Variants in MYO16 observed in about 807,000 individuals in gnomAD.
The protein encoded by MYO16 is myosin XVI.
MYO16 carries 94 observed loss-of-function variants against 205.3 expected under a neutral mutation model. The observed-to-expected ratio is 0.46, with a 90% confidence interval of 0.39 to 0.54. The LOEUF is 0.54. Among genes scored for constraint, MYO16 ranks in the 20% least tolerant of loss-of-function variants. The probability of loss-of-function intolerance (pLI) is 0.00; values close to 1 mark genes in which losing one functional copy is unlikely to be tolerated. For missense variants in MYO16, 2,315 were observed against 2,387.5 expected, an observed-to-expected ratio of 0.97 and a Z score of 0.63; for synonymous variants, 988 against 954.0, an observed-to-expected ratio of 1.04 and a Z score of -0.66.
intron 21 of MYO16, among the ~76,000 whole-genome samples, chr13:109,001,178 A>T (rs370127590): frequency 6.8e-6 from 1 of 147,510 alleles, no homozygotes. Context: ...AGAATAAAAA[A>T]TTTAAAAAAA....
In MYO16 at chr13:109,162,299, C is replaced by T. The variant is rs1024244964; in HGVS notation, c.5165-2602C>T. 2.0e-5 allele frequency among the ~76,000 whole-genome samples: 3 copies of T among 152,164 alleles called. No individual in the cohort carries two copies. Among genetic ancestry groups the T allele is most frequent in the Non-Finnish European group, 2.9e-5 (2 of 68,032 alleles). ...GTGCCTTAGAGGATTCGTTTATTGC[C>T]ACCAGGTGTAAGAGGACTGTGCTCA... On this transcript the variant is annotated intron_variant, in intron 32 of 34. Coordinates refer to ENST00000457511, the MANE Select transcript of MYO16 (RefSeq NM_001198950.3). The surrounding 1 kb of genome is among the most constrained non-coding windows in gnomAD (Gnocchi z 4.6).
At chr13:109,128,944 G>A (rs1008601157) in intron 31 of MYO16, among the ~76,000 whole-genome samples, 3 of 151,480 alleles carry the variant, frequency 2.0e-5, no homozygotes, top group Non-Finnish European at 4.4e-5. Context: ...GCTAATTTTT[G>A]TATTTTTAGT....
intron 4 of MYO16, among the ~76,000 whole-genome samples, chr13:108,765,297 A>T (rs964903616): frequency 6.6e-6 from 1 of 152,206 alleles, no homozygotes; most frequent in African/African-American, 2.4e-5. Context: ...ACTTTTATAT[A>T]CATTTTTACT....
At chr13:108,811,625 T>G (rs911391714) in intron 7 of MYO16, among the ~76,000 whole-genome samples, 1 of 151,854 alleles carries the variant, frequency 6.6e-6, no homozygotes, top group African/African-American at 2.4e-5. Context: ...ACCACAAAAC[T>G]AATCCTTTGC....
upstream of MYO16, among the ~76,000 whole-genome samples, chr13:108,592,277 G>T (rs1474663899): frequency 1.5e-5 from 2 of 130,810 alleles, no homozygotes; most frequent in Non-Finnish European, 1.7e-5. Context: ...GTGGGTGTGT[G>T]GGGGGCTGTG....
intron 4 of MYO16, among the ~76,000 whole-genome samples, chr13:108,761,043 C>T (rs1220643476): frequency 1.3e-5 from 2 of 152,170 alleles, no homozygotes; most frequent in African/African-American, 2.4e-5. Context: ...CCATTGTGCA[C>T]GTGTGCACAC....
chr13:109,205,421 C>T (rs768347309), intron 34 of MYO16, among the ~76,000 whole-genome samples: 1 of 152,120 alleles, frequency 6.6e-6, no homozygotes, highest in Non-Finnish European at 1.5e-5. Flanking sequence ...AGTGCATAAC[C>T]ACTTGTGTTC....
At position 108,981,162 on chromosome 13, in the gene MYO16, G is replaced by A. The variant is rs539608053; in HGVS notation, c.2370-11214G>A. Among the ~76,000 whole-genome samples, 53 of 152,296 alleles carry A rather than the reference G, an allele frequency of 3.5e-4. No individual in the cohort carries two copies. The South Asian group carries it at 0.011, about 30-fold the overall frequency. On this transcript the variant is annotated intron_variant, in intron 20 of 34. Coordinates refer to ENST00000457511, the MANE Select transcript of MYO16 (RefSeq NM_001198950.3). ...AAATTGTTTTGAAAGTTAAATTTAT[G>A]TGAATATGGACATGCCCCGCAGGCG...
chr13:108,549,752 TA>T, the MYO16 span, among the ~76,000 whole-genome samples: 3 of 151,988 alleles, frequency 2.0e-5, no homozygotes, highest in African/African-American at 7.2e-5. Flanking sequence ...GGTAATAATA[TA>T]AATAATGAGA....
At chr13:109,082,173 G>A (rs1888301863) in intron 27 of MYO16, among the ~76,000 whole-genome samples, 1 of 152,120 alleles carries the variant, frequency 6.6e-6, no homozygotes, top group Non-Finnish European at 1.5e-5. Context: ...ACTGACCAGT[G>A]ATTTATAGAA....
intron 6 of MYO16, among the ~76,000 whole-genome samples, chr13:108,796,283 A>T (rs1056569898): frequency 6.6e-6 from 1 of 152,164 alleles, no homozygotes; most frequent in Non-Finnish European, 1.5e-5. Flanking sequence ...GCTGGATAAG[A>T]TGTGGAGAAA....
chr13:108,861,868 G>GAGAA (rs34861771), intron 11 of MYO16, among the ~76,000 whole-genome samples: 75,390 of 151,362 alleles, frequency 0.5, 19,097 homozygotes, highest in African/African-American at 0.58. Flanking sequence ...CATACATATT[G>GAGAA]CATTTTCTTC....
At chr13:109,037,914 T>C (rs980684619) in intron 23 of MYO16, among the ~76,000 whole-genome samples, 4 of 152,124 alleles carry the variant, frequency 2.6e-5, no homozygotes, top group Non-Finnish European at 5.9e-5. Flanking sequence ...GAGTTGGCCT[T>C]GGTTGCTGGA....
intron 1 of MYO16, among the ~76,000 whole-genome samples, chr13:108,623,660 C>A (rs999472358): frequency 2.0e-5 from 3 of 152,120 alleles, no homozygotes; most frequent in Non-Finnish European, 4.4e-5. Context: ...AAATATTCCT[C>A]AAGACATTAT....
chr13:108,662,330 C>T (rs904076634), intron 1 of MYO16, among the ~76,000 whole-genome samples: 3 of 152,146 alleles, frequency 2.0e-5, no homozygotes, highest in East Asian at 1.9e-4. Context: ...TGGCAGTGGA[C>T]GGAACCCTAG....
At chr13:108,809,514 G>A (rs1183870464) in intron 7 of MYO16, among the ~76,000 whole-genome samples, 1 of 152,170 alleles carries the variant, frequency 6.6e-6, no homozygotes, top group African/African-American at 2.4e-5. Flanking sequence ...GCGGGAACAG[G>A]CACATCACAC....
At chr13:109,051,573 A>G (rs555265196) in intron 24 of MYO16, among the ~76,000 whole-genome samples, 6 of 152,192 alleles carry the variant, frequency 3.9e-5, no homozygotes, top group African/African-American at 1.4e-4. Context: ...TAACCGCCAC[A>G]TACATTGTTT....
At chr13:108,932,019 CTG>C (rs1882278956) in intron 16 of MYO16, among the ~76,000 whole-genome samples, 1 of 152,180 alleles carries the variant, frequency 6.6e-6, no homozygotes, top group Admixed American at 6.5e-5. Flanking sequence ...CTGTATCACT[CTG>C]TGCTTCATTC....
At chr13:108,687,915 T>A (rs961083234) in intron 2 of MYO16, among the ~76,000 whole-genome samples, 1 of 152,132 alleles carries the variant, frequency 6.6e-6, no homozygotes, top group African/African-American at 2.4e-5. Flanking sequence ...CAAAGGATAT[T>A]TGGACTGTGA....
Sources: gnomAD v4.1 joint callset for allele counts (sites outside exome capture counted in the v4.1 genomes callset) on GRCh38, gnomAD v4.1.1 for gene constraint, Gnocchi (gnomAD v3.1) non-coding constraint, MANE v1.5 for transcripts, NCBI Gene and HGNC (gene_info 2026-07-23, HGNC 2026-07-21) for gene names.